MOXD1: variants seen among roughly 807,000 people sequenced by gnomAD.
MOXD1 encodes the protein DBH-like monooxygenase protein 1.
Under a neutral mutation model 66.6 loss-of-function variants are expected in MOXD1, and 62 were observed. The observed-to-expected ratio is 0.93, with a 90% CI of 0.76 to 1.15. The LOEUF is 1.15. MOXD1 is among the 50% of genes most tolerant of loss of function. The probability of loss-of-function intolerance (pLI) is 0.00; values close to 1 mark genes in which losing one functional copy is unlikely to be tolerated. For synonymous variants in MOXD1, 303 were observed against 281.9 expected (o/e 1.07, Z -0.75); for missense variants, 847 against 754.6 (o/e 1.12, Z -1.44).
chr6:132,305,374 C>T (rs537503484), intron 10 of MOXD1, among the ~76,000 whole-genome samples: 16 of 152,338 alleles, frequency 1.1e-4, no homozygotes, highest in African/African-American at 3.6e-4. Flanking sequence ...CTCCCTAGTC[C>T]TAAGCCCCTA....
intron 10 of MOXD1, among the ~76,000 whole-genome samples, chr6:132,301,687 A>G (rs1243948085): frequency 6.6e-6 from 1 of 152,196 alleles, no homozygotes; most frequent in Non-Finnish European, 1.5e-5. Context: ...CCATCAAGCA[A>G]GTAAACATGT....
intron 1 of MOXD1, among the ~76,000 whole-genome samples, chr6:132,380,746 G>A (rs946123096): frequency 4.6e-5 from 7 of 152,176 alleles, no homozygotes; most frequent in Non-Finnish European, 8.8e-5. Flanking sequence ...AAAAAGGGGG[G>A]AAGACAATTA....
chr6:132,380,044 G>A (rs1380352252), intron 1 of MOXD1, among the ~76,000 whole-genome samples: 3 of 152,134 alleles, frequency 2.0e-5, no homozygotes, highest in African/African-American at 7.2e-5. Flanking sequence ...AAGCCACCAT[G>A]CCCGGCCTGT....
intron 1 of MOXD1, among the ~76,000 whole-genome samples, chr6:132,386,343 A>C (rs1367288798): frequency 5.4e-5 from 8 of 149,416 alleles, no homozygotes; most frequent in Non-Finnish European, 1.0e-4. Flanking sequence ...CGGAGCTTGC[A>C]GTGAGCCGAG....
chr6:132,349,408 T>TGTATATATATATACACATATATATATAC (rs1465342504), intron 4 of MOXD1, among the ~76,000 whole-genome samples: 1 of 9,912 alleles, frequency 1.0e-4, no homozygotes, highest in Non-Finnish European at 1.7e-4. Context: ...TATATATACA[T>TGTATATATATATACACATATATATATAC]ATATATATAT....
intron 4 of MOXD1, among the ~76,000 whole-genome samples, chr6:132,352,286 C>T (rs986517129): frequency 6.6e-6 from 1 of 152,136 alleles, no homozygotes; most frequent in Non-Finnish European, 1.5e-5. Flanking sequence ...GAACTTTCCT[C>T]TTAACACCAC....
At chr6:132,394,745 A>G (rs961077010) in intron 1 of MOXD1, among the ~76,000 whole-genome samples, 4 of 152,204 alleles carry the variant, frequency 2.6e-5, no homozygotes, top group African/African-American at 9.6e-5. Flanking sequence ...GAAGAGAGGT[A>G]TTTTGAAATA....
At chr6:132,382,128 G>A (rs1003572237) in intron 1 of MOXD1, among the ~76,000 whole-genome samples, 14 of 151,940 alleles carry the variant, frequency 9.2e-5, no homozygotes, top group African/African-American at 2.7e-4. Flanking sequence ...TATAATATAC[G>A]TATTTAACAT....
chr6:132,397,739 C>A (rs191006710), intron 1 of MOXD1, among the ~76,000 whole-genome samples: 1 of 151,644 alleles, frequency 6.6e-6, no homozygotes, highest in Non-Finnish European at 1.5e-5. Flanking sequence ...TGTCTTCTCT[C>A]AAAATAAAAG....
Position 132,352,538 on chromosome 6 carries a change from G to T in MOXD1, c.663+20070C>A, listed in dbSNP as rs190069297. Reference sequence around the variant, plus strand: ...AATTTTCTTAAATTTATTGAGGCTTGTTTTATGGCCTATCACGTGTCCTGT... The same window carrying T: ...AATTTTCTTAAATTTATTGAGGCTTTTTTTATGGCCTATCACGTGTCCTGT... On this transcript the variant is annotated intron_variant, in intron 4 of 11. Transcript: ENST00000367963. 8.7e-4 allele frequency among the ~76,000 whole-genome samples: 132 copies of T among 152,248 alleles called. 1 individual carries two copies. Among genetic ancestry groups the T allele is most frequent in the Middle Eastern group, 6.8e-3 (2 of 294 alleles).
chr6:132,358,621 A>G (rs1050413619), intron 4 of MOXD1, among the ~76,000 whole-genome samples: 13 of 152,258 alleles, frequency 8.5e-5, no homozygotes, highest in African/African-American at 2.9e-4. Context: ...CACCAAAATC[A>G]TAAAAGTTAA....
At chr6:132,377,119 G>C (rs1379691340) in intron 1 of MOXD1, among the ~76,000 whole-genome samples, 2 of 152,146 alleles carry the variant, frequency 1.3e-5, no homozygotes, top group Non-Finnish European at 2.9e-5. Flanking sequence ...CCAGAAATTA[G>C]CTATGTCAGT....
In MOXD1 at chr6:132,322,711, G is replaced by C. The variant is rs567984548; in HGVS notation, c.1273C>G (p.Gln425Glu). ...DDFDFNFQEF[Q>E]YLKEEQTILP... Reference sequence around the variant, plus strand: ...ATTGTTTGTTCTTCCTTTAGATACTGAAACTCCTGGAAATTGAAGTCAAAA... The same window carrying C: ...ATTGTTTGTTCTTCCTTTAGATACTCAAACTCCTGGAAATTGAAGTCAAAA... Residue 425 changes from glutamine (Q) to glutamate (E), a missense_variant, in exon 8 of 12, where the codon CAG becomes GAG. Gln to Glu is a conservative substitution (Grantham distance 29). Transcript: ENST00000367963. 1 of 1,613,718 alleles carries C rather than the reference G, an allele frequency of 6.2e-7. No individual in the cohort carries two copies. Among genetic ancestry groups the C allele is most frequent in the Non-Finnish European group, 8.5e-7 (1 of 1,179,918 alleles).
At chr6:132,311,778 G>T (rs1008941687) in intron 10 of MOXD1, among the ~76,000 whole-genome samples, 1 of 151,992 alleles carries the variant, frequency 6.6e-6, no homozygotes, top group East Asian at 1.9e-4. Context: ...ATATTAAGAT[G>T]TTTATAATAA....
intron 1 of MOXD1, among the ~76,000 whole-genome samples, chr6:132,379,810 CT>C (rs1372395388): frequency 6.6e-6 from 1 of 152,142 alleles, no homozygotes; most frequent in Non-Finnish European, 1.5e-5. Context: ...AAATTCAAAA[CT>C]GTAGTCTTTA....
chr6:132,340,062 G>T (rs1269869631), intron 4 of MOXD1, among the ~76,000 whole-genome samples: 2 of 152,004 alleles, frequency 1.3e-5, no homozygotes, highest in African/African-American at 2.4e-5. Context: ...TAGAGACGGG[G>T]TTTCACCGTG....
At chr6:132,306,320 A>T (rs891422047) in intron 10 of MOXD1, among the ~76,000 whole-genome samples, 2 of 152,072 alleles carry the variant, frequency 1.3e-5, no homozygotes, top group African/African-American at 4.8e-5. Context: ...GAGAAAAAAG[A>T]ATGAAAAGGA....
intron 1 of MOXD1, chr6:132,392,391 C>A (rs965197901): frequency 4.0e-6 from 6 of 1,483,158 alleles, no homozygotes; most frequent in Non-Finnish European, 5.4e-6. Flanking sequence ...GCAAATTCAA[C>A]AGGCATATTC....
intron 4 of MOXD1, among the ~76,000 whole-genome samples, chr6:132,356,947 AT>A (rs1465448441): frequency 6.6e-6 from 1 of 151,976 alleles, no homozygotes; most frequent in Non-Finnish European, 1.5e-5. Flanking sequence ...TATTTTATAT[AT>A]TTTTTACTTT....
Sources: gnomAD v4.1 joint callset for allele counts (sites outside exome capture counted in the v4.1 genomes callset) on GRCh38, gnomAD v4.1.1 for gene constraint, MANE v1.5 for transcripts, NCBI Gene and HGNC (gene_info 2026-07-23, HGNC 2026-07-21) for gene names.